CLEC4C: variants seen among roughly 807,000 people sequenced by gnomAD.
The protein encoded by CLEC4C is C-type (calcium dependent, carbohydrate-recognition domain) lectin, superfamily member 11.
Under a neutral mutation model 27.7 loss-of-function variants are expected in CLEC4C, and 17 were observed. That is an observed-to-expected ratio of 0.61 (90% CI 0.42 to 0.92). The LOEUF is 0.92. Ranked by LOEUF, CLEC4C falls within the 40% of genes least tolerant of loss-of-function variation. The pLI, the probability that CLEC4C is intolerant of heterozygous loss-of-function variation, is 0.00. For synonymous variants in CLEC4C, 80 were observed against 80.8 expected (o/e 0.99, Z 0.06); for missense variants, 244 against 257.3 (o/e 0.95, Z 0.35).
At chr12:7,733,357 G>A (rs1343036183) in intron 4 of CLEC4C, among the ~76,000 whole-genome samples, 1 of 150,884 alleles carries the variant, frequency 6.6e-6, no homozygotes, top group African/African-American at 2.4e-5. Flanking sequence ...TTTGCTTTCT[G>A]GGTTCAAGCA....
intron 2 of CLEC4C, among the ~76,000 whole-genome samples, chr12:7,743,657 C>T (rs778175563): frequency 1.3e-5 from 2 of 152,122 alleles, no homozygotes; most frequent in South Asian, 2.1e-4. Flanking sequence ...CCACCACGCC[C>T]GGCCTTAATT....
intron 3 of CLEC4C, 145 bp from the exon 4 acceptor site, chr12:7,737,719 A>C: frequency 1.4e-6 from 1 of 716,988 alleles, no homozygotes; most frequent in Non-Finnish European, 2.2e-6. Context: ...TTACTGGTGT[A>C]TTTACTAATC....
In CLEC4C at chr12:7,729,505, G is replaced by A; in HGVS notation, c.*91C>T. On this transcript the variant is annotated 3_prime_UTR_variant, in exon 6 of 6. Transcript: ENST00000360345. ...CTGAAACATTTTAGGGGCATTCCTT[G>A]TACAAAACTTACACATAAATTAAAA... 1.6e-6 allele frequency: 2 copies of A among 1,238,150 alleles called. No homozygotes were observed. The highest frequency in any genetic ancestry group is 2.3e-5 in the East Asian group (1 of 42,614). 76.7% of individuals were successfully genotyped at this position (1,238,150 alleles called of 1,614,324 possible).
At chr12:7,733,060 A>T (rs1431084853) in intron 4 of CLEC4C, among the ~76,000 whole-genome samples, 1 of 152,006 alleles carries the variant, frequency 6.6e-6, no homozygotes, top group Non-Finnish European at 1.5e-5. Flanking sequence ...CTTCACGTAA[A>T]TTTTACAACT....
At position 7,735,187 on chromosome 12, in the gene CLEC4C, G is replaced by A. The variant is rs373805895; in HGVS notation, c.381+2242C>T. ...CTGCACTCCAGCCTGGGGTGACAGAGAGAGACTCTGTCTCAAAAAAATAAA... is the reference window on the plus strand; with the variant it reads ...CTGCACTCCAGCCTGGGGTGACAGAAAGAGACTCTGTCTCAAAAAAATAAA... On this transcript the variant is annotated intron_variant, in intron 4 of 5. Coordinates refer to ENST00000360345, the MANE Select transcript of CLEC4C (RefSeq NM_001371390.1). 6.0e-5 allele frequency among the ~76,000 whole-genome samples: 9 copies of A among 149,442 alleles called. No individual in the cohort carries two copies. The East Asian group carries it at 1.4e-3, about 24-fold the overall frequency.
intron 1 of CLEC4C, 21 bp from the exon 2 acceptor site, chr12:7,746,444 A>T (rs1248006213): frequency 6.6e-7 from 1 of 1,513,814 alleles, no homozygotes; most frequent in East Asian, 2.3e-5. Context: ...AGCATGACAA[A>T]TGCACAGTCA....
At chr12:7,746,043 G>A (rs374498634) in intron 2 of CLEC4C, among the ~76,000 whole-genome samples, 49 of 151,050 alleles carry the variant, frequency 3.2e-4, no homozygotes, top group East Asian at 1.4e-3. Context: ...GTGAAAACCC[G>A]TCTCTACTAA....
chr12:7,740,206 G>A (rs7971286), intron 3 of CLEC4C, among the ~76,000 whole-genome samples: 33,167 of 151,672 alleles, frequency 0.22, 4,324 homozygotes, highest in Admixed American at 0.32. Flanking sequence ...TCAAGCTCCC[G>A]TGCTTAGGTG....
chr12:7,747,624 C>A, upstream of CLEC4C: 2 of 212,676 alleles, frequency 9.4e-6, no homozygotes, highest in Non-Finnish European at 9.0e-6. Context: ...GGTTGCAGGT[C>A]TGATTGTCTT....
intron 2 of CLEC4C, among the ~76,000 whole-genome samples, chr12:7,744,676 A>G (rs1346056717): frequency 6.6e-6 from 1 of 152,020 alleles, no homozygotes; most frequent in Non-Finnish European, 1.5e-5. Flanking sequence ...TTGCAGTGGT[A>G]CGATTATGGC....
upstream of CLEC4C, among the ~76,000 whole-genome samples, chr12:7,748,592 C>A (rs1865038311): frequency 6.6e-6 from 1 of 152,068 alleles, no homozygotes; most frequent in Non-Finnish European, 1.5e-5. Context: ...CCAATGAGAT[C>A]CTTTCTAAGC....
At chr12:7,731,316 G>A (rs1472627494) in intron 4 of CLEC4C, among the ~76,000 whole-genome samples, 3 of 151,706 alleles carry the variant, frequency 2.0e-5, no homozygotes, top group Non-Finnish European at 4.4e-5. Context: ...ACAACAAAGA[G>A]ACACAGAAGC....
chr12:7,732,022 A>C (rs1211430740), intron 4 of CLEC4C, among the ~76,000 whole-genome samples: 1 of 152,034 alleles, frequency 6.6e-6, no homozygotes, highest in African/African-American at 2.4e-5. Flanking sequence ...CAAATGCTTC[A>C]GGTCACTTTT....
intron 5 of CLEC4C, 154 bp downstream of exon 5, chr12:7,730,643 A>G (rs891798598): frequency 1.4e-5 from 5 of 361,334 alleles, no homozygotes; most frequent in Non-Finnish European, 2.6e-5. Flanking sequence ...CTTGTCTAAA[A>G]AAAAAAAAAA....
rs781495601 is a variant in CLEC4C at position 7,737,799 on chromosome 12, G to C, written c.236-225C>G. On this transcript the variant is annotated intron_variant, in intron 3 of 5. Transcript: ENST00000360345. ...AAAGGCCAGATAGTAAATATCTCAG[G>C]CTTTTTGGGCCATACGGTTTCTGTT... Among the ~76,000 whole-genome samples the C allele has an allele frequency of 1.2e-4, 18 of 152,218 alleles. No individual in the cohort carries two copies. In the East Asian group the frequency reaches 3.5e-3, roughly 29 times the overall value.
In CLEC4C at chr12:7,745,300, A is replaced by G. The variant is rs369076283; in HGVS notation, c.124+1031T>C. On this transcript the variant is annotated intron_variant, in intron 2 of 5. Transcript: ENST00000360345. ...TCATGTGAGGACACAGCAAGAGGGCATCAGCTGTAAGCCAGGAAGAGGGAC... is the reference window on the plus strand; with the variant it reads ...TCATGTGAGGACACAGCAAGAGGGCGTCAGCTGTAAGCCAGGAAGAGGGAC... Among the ~76,000 whole-genome samples, 215 of 152,126 alleles carry G rather than the reference A, an allele frequency of 1.4e-3. 4 individuals are homozygous for G. Among genetic ancestry groups the G allele is most frequent in the African/African-American group, 4.9e-3 (204 of 41,504 alleles).
chr12:7,741,761 T>A (rs1243945885), intron 2 of CLEC4C, among the ~76,000 whole-genome samples: 2 of 152,132 alleles, frequency 1.3e-5, no homozygotes, highest in African/African-American at 4.8e-5. Context: ...CCAGGCACAG[T>A]GGCTCACACC....
chr12:7,748,324 G>A (rs1296606925), upstream of CLEC4C, among the ~76,000 whole-genome samples: 4 of 152,018 alleles, frequency 2.6e-5, no homozygotes, highest in African/African-American at 7.2e-5. Context: ...TCAAGAGATC[G>A]AGACCATCCT....
intron 4 of CLEC4C, among the ~76,000 whole-genome samples, chr12:7,735,489 C>A (rs1592091325): frequency 2.9e-5 from 3 of 104,512 alleles, no homozygotes; most frequent in African/African-American, 7.1e-5. Flanking sequence ...GGCGATAGAA[C>A]AAGACTCTGT....
Sources: allele counts gnomAD v4.1 joint callset (sites outside exome capture counted in the v4.1 genomes callset), GRCh38; gene constraint gnomAD v4.1.1; transcripts MANE v1.5; gene names NCBI Gene and HGNC (gene_info 2026-07-23, HGNC 2026-07-21).